The following APOBR variants were observed in gnomAD, a reference collection of about 807,000 sequenced individuals.
APOBR encodes apoB-48R.
Under a neutral mutation model 88.5 loss-of-function variants are expected in APOBR, and 57 were observed. The observed-to-expected ratio is 0.64, with a 90% confidence interval of 0.52 to 0.80. The LOEUF is 0.80. Ranked by LOEUF, APOBR falls within the 30% of genes least tolerant of loss-of-function variation. The pLI is 0.00. For synonymous variants in APOBR, 588 were observed against 572.7 expected (o/e 1.03, Z -0.38); for missense variants, 1,443 against 1,401.6 (o/e 1.03, Z -0.47).
rs1157005020 is a variant in APOBR at position 28,495,357 on chromosome 16, G to A, written c.316G>A (p.Gly106Ser). 5.8e-6 allele frequency: 9 copies of A among 1,559,550 alleles called. No homozygotes were observed. The highest frequency in any genetic ancestry group is 6.9e-6 in the Non-Finnish European group (8 of 1,152,404). The change falls in exon 2 of 4, where the codon GGC becomes AGC. Residue 106 changes from glycine to serine, a missense_variant. Transcript: ENST00000564831. The stretch of plus-strand genomic sequence containing the variant: ...AGAACAGACCTGGGGCTGGGGAGAT[G>A]GCAGCTCCCATGGGTCCCAAGCAGA... ...AVEQTWGWGD[G>S]SSHGSQAERQ...
rs1472095634 is a variant in APOBR at position 28,498,921 on chromosome 16, A to C, written c.*416A>C. On this transcript the variant is annotated 3_prime_UTR_variant, in exon 4 of 4. Transcript: ENST00000564831. ...AGCATAGCAAGATCCCCATCTTTTA[A>C]AAACAAAATAAAACAATAAAGACTG... The C allele has an allele frequency of 8.3e-6, 4 of 484,716 alleles. No homozygotes were observed. Among genetic ancestry groups the C allele is most frequent in the African/African-American group, 2.0e-5 (1 of 50,808 alleles). 30.0% of individuals were successfully genotyped at this position (484,716 alleles called of 1,614,324 possible).
Position 28,495,907 on chromosome 16 carries a change from G to A in APOBR, c.866G>A (p.Arg289Lys). The A allele has an allele frequency of 1.9e-6, 3 of 1,612,434 alleles. No homozygotes were observed. The highest frequency in any genetic ancestry group is 2.5e-6 in the Non-Finnish European group (3 of 1,179,256). ...GAGGAGGCCAGGACAACCCCAGGTA[G>A]GGAAGAGGCCAGGGCAATTTTAGAT... is the stretch of plus-strand genomic sequence containing the variant. ...GREEARTTPGREEARAILDGE... is the reference protein window; with the variant it reads ...GREEARTTPGKEEARAILDGE... The change falls in exon 2 of 4, where the codon AGG becomes AAG. Residue 289 changes from arginine to lysine, a missense_variant. Coordinates refer to ENST00000564831, the MANE Select transcript of APOBR (RefSeq NM_018690.4).
rs1330730757 is a variant in APOBR, at chr16:28,495,188, G to A, written c.147G>A (p.Val49=). The A allele has an allele frequency of 1.3e-6, 2 of 1,568,932 alleles. No individual in the cohort carries two copies. The highest frequency in any genetic ancestry group is 8.6e-7 in the Non-Finnish European group (1 of 1,159,514). Residue 49 remains valine, a synonymous_variant, in exon 2 of 4, where the codon GTG becomes GTA. Coordinates refer to ENST00000564831, the MANE Select transcript of APOBR (RefSeq NM_018690.4). ...REAQAAEELG[V]VAVGKTGKIV... ...CGCAGGCGGCTGAGGAACTGGGGGTGGTGGCGGTGGGAAAGACAGGGAAGA... is the reference window on the plus strand; with the variant it reads ...CGCAGGCGGCTGAGGAACTGGGGGTAGTGGCGGTGGGAAAGACAGGGAAGA...
chr16:28,494,841 C>T, intron 1 of APOBR, 103 bp downstream of exon 1: 1 of 1,159,926 alleles, frequency 8.6e-7, no homozygotes, highest in South Asian at 1.5e-5. Flanking sequence ...TCCTTCTGAT[C>T]TCCTCAAACT....
At position 28,495,230 on chromosome 16, in the gene APOBR, C is replaced by T; in HGVS notation, c.189C>T (p.Ala63=). 6.5e-7 allele frequency: 1 copy of T among 1,547,288 alleles called. No individual in the cohort carries two copies. The highest frequency in any genetic ancestry group is 8.7e-7 in the Non-Finnish European group (1 of 1,150,516). The part of the protein sequence containing the change: ...GKTGKIVEEE[A]QEDLEGLRGS... ...CAGGGAAGATTGTAGAGGAGGAAGC[C>T]CAGGAGGACCTGGAGGGCCTTAGAG... is the stretch of plus-strand genomic sequence containing the variant. The change falls in exon 2 of 4, where the codon GCC becomes GCT. Residue 63 remains alanine (A), a synonymous_variant. Transcript: ENST00000564831.
chr16:28,497,943 A>T lies in APOBR; in HGVS notation c.2902A>T (p.Thr968Ser), dbSNP rs772761568. Residue 968 changes from threonine (T) to serine (S), a missense_variant, in exon 2 of 4, where the codon ACG (threonine) becomes TCG (serine). Thr to Ser is a moderately conservative substitution (Grantham distance 58). Transcript: ENST00000564831. ...AAPESVGEAE[T>S]AEAMGSARGG... ...GCCGGAGTCAGTCGGGGAAGCCGAGACGGCTGAGGCCATGGGCAGTGCCAG... is the reference window on the plus strand; with the variant it reads ...GCCGGAGTCAGTCGGGGAAGCCGAGTCGGCTGAGGCCATGGGCAGTGCCAG... The T allele has an allele frequency of 3.9e-5, 63 of 1,612,904 alleles. No homozygotes were observed. The highest frequency in any genetic ancestry group is 3.3e-4 in the Middle Eastern group (2 of 6,074).
Position 28,496,489 on chromosome 16 carries a change from C to A in APOBR, c.1448C>A (p.Ala483Asp). ...GACTTGGGGATCAGGGCCGACCGGG[C>A]CAGGATGGAAGAGCTGGTACAGGCA... The part of the protein sequence containing the change: ...RQDLGIRADR[A>D]RMEELVQAEE... The change falls in exon 2 of 4, where the codon GCC becomes GAC. Residue 483 changes from alanine (A) to aspartate (D), a missense_variant. Ala to Asp is a moderately radical substitution (Grantham distance 126). Transcript: ENST00000564831. The A allele has an allele frequency of 6.2e-7, 1 of 1,601,050 alleles. No individual in the cohort carries two copies. The highest frequency in any genetic ancestry group is 8.5e-7 in the Non-Finnish European group (1 of 1,173,930).
In APOBR at chr16:28,494,707, C is replaced by T. The variant is rs370609455; in HGVS notation, c.26C>T (p.Pro9Leu). Reference protein sequence around the residue: MDFLRLYLPGLHQALRGAL... With the variant: MDFLRLYLLGLHQALRGAL... ...ATGGACTTCCTCCGGCTATACCTCC[C>T]TGGGCTGCACCAGGCCTTGAGGGGG... The change falls in exon 1 of 4, where the codon CCT (proline) becomes CTT (leucine). Residue 9 changes from proline to leucine, a missense_variant. Coordinates refer to ENST00000564831, the MANE Select transcript of APOBR (RefSeq NM_018690.4). 1.2e-6 allele frequency: 2 copies of T among 1,612,464 alleles called. No individual in the cohort carries two copies. The highest frequency in any genetic ancestry group is 2.2e-5 in the South Asian group (2 of 90,916).
chr16:28,496,336 G>A lies in APOBR; in HGVS notation c.1295G>A (p.Gly432Asp). 4 of 1,588,666 alleles carry A rather than the reference G, an allele frequency of 2.5e-6. No homozygotes were observed. Among genetic ancestry groups the A allele is most frequent in the Non-Finnish European group, 3.4e-6 (4 of 1,167,870 alleles). Reference sequence around the variant, plus strand: ...TTCCCCAAACAGCCCCAGGTCCTGGGCACTGAAAGAACAGAAGAGGCTGCT... The same window carrying A: ...TTCCCCAAACAGCCCCAGGTCCTGGACACTGAAAGAACAGAAGAGGCTGCT... The part of the protein sequence containing the change: ...SPFPKQPQVL[G>D]TERTEEAAES... The change falls in exon 2 of 4, where the codon GGC becomes GAC. Residue 432 changes from glycine (G) to aspartate (D), a missense_variant. Coordinates refer to ENST00000564831, the MANE Select transcript of APOBR (RefSeq NM_018690.4).
Position 28,495,848 on chromosome 16 carries a change from G to A in APOBR, c.807G>A (p.Gly269=). Residue 269 remains glycine, a synonymous_variant, in exon 2 of 4, where the codon GGG becomes GGA. Coordinates refer to ENST00000564831, the MANE Select transcript of APOBR (RefSeq NM_018690.4). ...STRAWGTWGP[G]AEPEDWGILG... ...GGGCATGGGGGACGTGGGGCCCAGG[G>A]GCAGAGCCTGAGGACTGGGGAATCT... The A allele has an allele frequency of 1.2e-6, 2 of 1,609,744 alleles. No homozygotes were observed. The highest frequency in any genetic ancestry group is 1.7e-6 in the Non-Finnish European group (2 of 1,178,212).
Position 28,498,816 on chromosome 16 carries a change from C to A in APOBR, c.*311C>A. On this transcript the variant is annotated 3_prime_UTR_variant, in exon 4 of 4. Transcript: ENST00000564831. The stretch of plus-strand genomic sequence containing the variant: ...ACTGCAAGGAGGCTGGGCACGGGGG[C>A]TCACGCCTGTCACCCCAGAGCTTTG... The A allele has an allele frequency of 5.3e-6, 3 of 568,006 alleles. No individual in the cohort carries two copies. The highest frequency in any genetic ancestry group is 3.9e-5 in the South Asian group (2 of 51,912). The allele number at this position is 568,006 out of a possible 1,614,324, so 35.2% of individuals were successfully genotyped here. A position where few individuals can be genotyped will look rare whatever the true frequency, so the allele number is the denominator to read the frequency against.
chr16:28,495,414 A>C lies in APOBR; in HGVS notation c.373A>C (p.Lys125Gln). 1 of 1,561,790 alleles carries C rather than the reference A, an allele frequency of 6.4e-7. No individual in the cohort carries two copies. Among genetic ancestry groups the C allele is most frequent in the Non-Finnish European group, 8.7e-7 (1 of 1,153,378 alleles). Residue 125 changes from lysine to glutamine, a missense_variant, in exon 2 of 4, where the codon AAG (lysine) becomes CAG (glutamine). Coordinates refer to ENST00000564831, the MANE Select transcript of APOBR (RefSeq NM_018690.4). Reference sequence around the variant, plus strand: ...GGACAGTGGGGCTGGGGAGACAGCCAAGGCTGCCAGGTGCCAGGAGCCAAG... The same window carrying C: ...GGACAGTGGGGCTGGGGAGACAGCCCAGGCTGCCAGGTGCCAGGAGCCAAG... ...RQDSGAGETA[K>Q]AARCQEPSAH...
In APOBR at chr16:28,496,812, C is replaced by G; in HGVS notation, c.1771C>G (p.Leu591Val). 6.4e-7 allele frequency: 1 copy of G among 1,563,654 alleles called. No homozygotes were observed. The highest frequency in any genetic ancestry group is 8.7e-7 in the Non-Finnish European group (1 of 1,153,988). The change falls in exon 2 of 4, where the codon CTG becomes GTG. Residue 591 changes from leucine (L) to valine (V), a missense_variant. Leu to Val is a conservative substitution (Grantham distance 32). Transcript: ENST00000564831. ...EAGEVELMGVLALSKEEQERS... is the reference protein window; with the variant it reads ...EAGEVELMGVVALSKEEQERS... ...AGGGGAGGTGGAGCTCATGGGAGTTCTGGCCCTGAGCAAAGAGGAGCAGGA... is the reference window on the plus strand; with the variant it reads ...AGGGGAGGTGGAGCTCATGGGAGTTGTGGCCCTGAGCAAAGAGGAGCAGGA...
Position 28,496,320 on chromosome 16 carries a change from C to T in APOBR, c.1279C>T (p.Gln427Ter), listed in dbSNP as rs745590779. 1 of 1,584,284 alleles carries T rather than the reference C, an allele frequency of 6.3e-7. No individual in the cohort carries two copies. Among genetic ancestry groups the T allele is most frequent in the Non-Finnish European group, 8.6e-7 (1 of 1,166,170 alleles). ...GGCTGAGGTGAGCCCTTTCCCCAAA[C>T]AGCCCCAGGTCCTGGGCACTGAAAG... ...REAEVSPFPKQPQVLGTERTE... is the reference protein window; with the variant it reads ...REAEVSPFPK The change falls in exon 2 of 4, where the codon CAG becomes TAG. Residue 427 changes from glutamine to a stop codon, truncating the protein, a stop_gained. Transcript: ENST00000564831. LOFTEE classifies it high-confidence loss of function.
rs1897673747 is a variant in APOBR at position 28,498,615 on chromosome 16, C to G, written c.*110C>G. ...ACTGTGGACACATCCTCTCCACCCT[C>G]TGGGCCTCAGTGTCTTGATGTATCA... On this transcript the variant is annotated 3_prime_UTR_variant, in exon 4 of 4. Coordinates refer to ENST00000564831, the MANE Select transcript of APOBR (RefSeq NM_018690.4). The G allele has an allele frequency of 1.1e-5, 14 of 1,269,760 alleles. No individual in the cohort carries two copies. Among genetic ancestry groups the G allele is most frequent in the Middle Eastern group, 5.1e-4 (2 of 3,912 alleles). The allele number at this position is 1,269,760 out of a possible 1,614,324, so 78.7% of individuals were successfully genotyped here. A position where few individuals can be genotyped will look rare whatever the true frequency, so the allele number is the denominator to read the frequency against.
In APOBR at chr16:28,496,775, G is replaced by C; in HGVS notation, c.1734G>C (p.Glu578Asp). 6.3e-7 allele frequency: 1 copy of C among 1,576,442 alleles called. No homozygotes were observed. Among genetic ancestry groups the C allele is most frequent in the Non-Finnish European group, 8.6e-7 (1 of 1,161,348 alleles). The change falls in exon 2 of 4, where the codon GAG becomes GAC. Residue 578 changes from glutamate (E) to aspartate (D), a missense_variant. By Grantham distance (45) the Glu-to-Asp change is conservative. Coordinates refer to ENST00000564831, the MANE Select transcript of APOBR (RefSeq NM_018690.4). ...CCCAGACCCCAACTAAGCAACCCGA[G>C]GAAAGGGAGGCAGGGGAGGTGGAGC... is the stretch of plus-strand genomic sequence containing the variant. ...GGAQTPTKQP[E>D]EREAGEVELM... is the part of the protein sequence containing the mutation.
Position 28,497,712 on chromosome 16 carries a change from T to C in APOBR, c.2671T>C (p.Trp891Arg), listed in dbSNP as rs1198952657. Residue 891 changes from tryptophan to arginine, a missense_variant, in exon 2 of 4, where the codon TGG becomes CGG. Trp to Arg is a moderately radical substitution (Grantham distance 101). Transcript: ENST00000564831. ...WTLLEEEAVG[W>R]QEREQREDSE... ...GCTGTTGGAAGAAGAGGCTGTTGGA[T>C]GGCAGGAGAGAGAACAGAGGGAAGA... 3.1e-6 allele frequency: 5 copies of C among 1,604,078 alleles called. No individual in the cohort carries two copies. Among genetic ancestry groups the C allele is most frequent in the Non-Finnish European group, 4.3e-6 (5 of 1,175,672 alleles).
rs2046402051 is a variant in APOBR at position 28,497,406 on chromosome 16, G to A, written c.2365G>A (p.Gly789Ser). ...GEALEGVLGQGWDSKEKEEAA... is the reference protein window; with the variant it reads ...GEALEGVLGQSWDSKEKEEAA... ...AGCTTTGGAAGGGGTGCTTGGGCAAGGCTGGGACTCGAAAGAAAAGGAAGA... is the reference window on the plus strand; with the variant it reads ...AGCTTTGGAAGGGGTGCTTGGGCAAAGCTGGGACTCGAAAGAAAAGGAAGA... The change falls in exon 2 of 4, where the codon GGC becomes AGC. Residue 789 changes from glycine (G) to serine (S), a missense_variant. By Grantham distance (56) the Gly-to-Ser change is moderately conservative. Coordinates refer to ENST00000564831, the MANE Select transcript of APOBR (RefSeq NM_018690.4). 6.2e-7 allele frequency: 1 copy of A among 1,613,258 alleles called. No homozygotes were observed. Among genetic ancestry groups the A allele is most frequent in the Non-Finnish European group, 8.5e-7 (1 of 1,179,614 alleles).
In APOBR at chr16:28,497,744, G is replaced by A; in HGVS notation, c.2703G>A (p.Glu901=). 6.2e-7 allele frequency: 1 copy of A among 1,603,968 alleles called. No homozygotes were observed. Among genetic ancestry groups the A allele is most frequent in the Non-Finnish European group, 8.5e-7 (1 of 1,175,468 alleles). ...WQEREQREDS[E]GRCGDYHPEG... is the part of the protein sequence containing the mutation. ...AGAGAGAACAGAGGGAAGACAGTGA[G>A]GGGCGGTGTGGGGACTACCACCCTG... The change falls in exon 2 of 4, where the codon GAG becomes GAA. Residue 901 remains glutamate, a synonymous_variant. Transcript: ENST00000564831.
Sources: gnomAD v4.1 joint callset for allele counts on GRCh38, gnomAD v4.1.1 for gene constraint, MANE v1.5 for transcripts, NCBI Gene and HGNC (gene_info 2026-07-23, HGNC 2026-07-21) for gene names.